The following STK32B variants were observed in gnomAD, a reference collection of about 807,000 sequenced individuals.
STK32B encodes serine/threonine-protein kinase 32B.
Under a neutral mutation model 52.6 loss-of-function variants are expected in STK32B, and 43 were observed. The observed-to-expected ratio is 0.82, with a 90% confidence interval of 0.64 to 1.05. The LOEUF is 1.05. STK32B is among the 50% of genes least tolerant of loss of function. STK32B has a pLI of 0.00. For missense variants in STK32B, 621 were observed against 534.6 expected (o/e 1.16, Z -1.59); for synonymous variants, 238 against 204.3 (o/e 1.17, Z -1.41).
intron 1 of STK32B, among the ~76,000 whole-genome samples, chr4:5,071,026 G>A (rs1375597494): frequency 1.3e-5 from 2 of 152,172 alleles, no homozygotes; most frequent in Non-Finnish European, 2.9e-5. Flanking sequence ...AAGAGCAATA[G>A]CAGATCATTA....
chr4:5,468,803 C>T (rs1352409045), intron 11 of STK32B, among the ~76,000 whole-genome samples: 1 of 152,110 alleles, frequency 6.6e-6, no homozygotes, highest in Non-Finnish European at 1.5e-5. Flanking sequence ...TGGCTCACAC[C>T]TGTAATTCTA....
chr4:5,181,761 G>A (rs1275931235), intron 3 of STK32B, among the ~76,000 whole-genome samples: 2 of 152,234 alleles, frequency 1.3e-5, no homozygotes, highest in South Asian at 2.1e-4. Flanking sequence ...GATTATCTGA[G>A]TCTTCAACAA....
chr4:5,423,917 G>C (rs1362197510), intron 6 of STK32B, among the ~76,000 whole-genome samples: 1 of 152,152 alleles, frequency 6.6e-6, no homozygotes, highest in African/African-American at 2.4e-5. Flanking sequence ...GAGTTGGAGA[G>C]GCGGGATTCC....
chr4:5,240,978 G>A (rs558582162), intron 3 of STK32B, among the ~76,000 whole-genome samples: 1 of 151,976 alleles, frequency 6.6e-6, no homozygotes, highest in African/African-American at 2.4e-5. Context: ...AGTTCTTTTT[G>A]TAAGTCCTTC....
intron 3 of STK32B, among the ~76,000 whole-genome samples, chr4:5,235,345 T>C (rs902596022): frequency 6.6e-6 from 1 of 152,150 alleles, no homozygotes; most frequent in African/African-American, 2.4e-5. Context: ...GCTCCATCAT[T>C]TACTGGCTGT....
chr4:5,125,232 A>G (rs1284815525), intron 1 of STK32B, among the ~76,000 whole-genome samples: 1 of 152,158 alleles, frequency 6.6e-6, no homozygotes. Context: ...GATACCTTAA[A>G]CAGAGAACCC....
intron 6 of STK32B, among the ~76,000 whole-genome samples, chr4:5,427,904 CTCTCTTA>C (rs1261203997): frequency 6.6e-6 from 1 of 151,150 alleles, no homozygotes; most frequent in African/African-American, 2.4e-5. Context: ...TTAATTTCTT[CTCTCTTA>C]TCTCTTATGC....
chr4:5,458,800 C>T (rs1313368940), intron 8 of STK32B: 1 of 152,194 alleles, frequency 6.6e-6, no homozygotes, highest in Non-Finnish European at 1.5e-5. Context: ...AAGGGGACAC[C>T]TGCCTAGCCA....
chr4:5,352,517 T>TC (rs1322403387), intron 4 of STK32B, among the ~76,000 whole-genome samples: 2 of 151,460 alleles, frequency 1.3e-5, no homozygotes, highest in African/African-American at 2.4e-5. Flanking sequence ...TGAAATCCTT[T>TC]CCCCTAGGAA....
chr4:5,141,204 G>A (rs543464387), intron 2 of STK32B, among the ~76,000 whole-genome samples: 1 of 152,216 alleles, frequency 6.6e-6, no homozygotes, highest in Non-Finnish European at 1.5e-5. Flanking sequence ...GGAAGCTCAG[G>A]TTATGACGCA....
chr4:5,407,408 T>C (rs1016172405), intron 5 of STK32B, among the ~76,000 whole-genome samples: 6 of 152,162 alleles, frequency 3.9e-5, no homozygotes, highest in Admixed American at 1.3e-4. Flanking sequence ...CAAAGTCGCT[T>C]ACATATTTTC....
chr4:5,443,278 A>T (rs1421338648), intron 6 of STK32B, among the ~76,000 whole-genome samples: 1 of 148,334 alleles, frequency 6.7e-6, no homozygotes, highest in Admixed American at 6.8e-5. Flanking sequence ...ACATAGTCCC[A>T]TATTTCTTGG....
Position 5,485,375 on chromosome 4 carries a change from C to T in STK32B, c.1107-13570C>T, listed in dbSNP as rs568126287. Among the ~76,000 whole-genome samples the T allele has an allele frequency of 1.1e-3, 170 of 152,262 alleles. 1 individual carries two copies. The highest frequency in any genetic ancestry group is 3.8e-3 in the African/African-American group (158 of 41,540). ...ACTGATACCCTTTCTTCCAGTTGAT[C>T]GAATCGGCTACTGAGGCTTGTGCAT... On this transcript the variant is annotated intron_variant, in intron 11 of 11. Transcript: ENST00000282908.
chr4:5,150,395 A>G (rs1297438167), intron 2 of STK32B, among the ~76,000 whole-genome samples: 2 of 152,052 alleles, frequency 1.3e-5, no homozygotes, highest in African/African-American at 4.8e-5. Flanking sequence ...GATGGGTCCC[A>G]TTTTCCTGGT....
At chr4:5,086,173 G>T (rs1712724282) in intron 1 of STK32B, among the ~76,000 whole-genome samples, 1 of 152,142 alleles carries the variant, frequency 6.6e-6, no homozygotes, top group Non-Finnish European at 1.5e-5. Flanking sequence ...AGGTTCATGT[G>T]CATGCCCAGG....
chr4:5,447,864 C>G lies in STK32B; in HGVS notation c.666+1088C>G, dbSNP rs997603931. ...TGCCTGAGACTCATCTCCATAGCAC[C>G]AGTGCCCAGCACAGAGCTGACAGAA... is the stretch of plus-strand genomic sequence containing the variant. On this transcript the variant is annotated intron_variant, in intron 7 of 11. Coordinates refer to ENST00000282908, the MANE Select transcript of STK32B (RefSeq NM_018401.3). Among the ~76,000 whole-genome samples the G allele has an allele frequency of 2.0e-5, 3 of 152,188 alleles. No homozygotes were observed. In the East Asian group the frequency reaches 5.8e-4, roughly 29 times the overall value.
intron 3 of STK32B, among the ~76,000 whole-genome samples, chr4:5,313,766 C>A (rs530595707): frequency 6.6e-6 from 1 of 152,146 alleles, no homozygotes; most frequent in East Asian, 1.9e-4. Context: ...CACTAGCATC[C>A]AAAGATTAAT....
At chr4:5,236,273 A>G (rs553186247) in intron 3 of STK32B, among the ~76,000 whole-genome samples, 71 of 152,304 alleles carry the variant, frequency 4.7e-4, no homozygotes, top group African/African-American at 1.7e-3. Flanking sequence ...TCAGATACGT[A>G]AAGACCTACA....
At chr4:5,067,629 C>T (rs779889661) in intron 1 of STK32B, among the ~76,000 whole-genome samples, 1 of 151,998 alleles carries the variant, frequency 6.6e-6, no homozygotes, top group South Asian at 2.1e-4. Context: ...ATAATATGAT[C>T]TTTATTTTTA....
Sources: allele counts gnomAD v4.1 joint callset (sites outside exome capture counted in the v4.1 genomes callset), GRCh38; gene constraint gnomAD v4.1.1; transcripts MANE v1.5; gene names NCBI Gene and HGNC (gene_info 2026-07-23, HGNC 2026-07-21).